Variants in LDB2 observed in about 807,000 individuals in gnomAD.
LDB2 encodes the protein LIM domain binding 2.
A neutral mutation model predicts 44.3 loss-of-function variants in LDB2; 12 were observed. The ratio of observed to expected loss-of-function variants is 0.27; its 90% CI spans 0.17 to 0.44. The LOEUF is 0.44. Ranked by LOEUF, LDB2 falls within the 20% of genes least tolerant of loss-of-function variation. The pLI, the probability that LDB2 is intolerant of heterozygous loss-of-function variation, is 1.00. For missense variants in LDB2, 344 were observed against 473.5 expected (o/e 0.73, Z 2.54); for synonymous variants, 164 against 174.8 (o/e 0.94, Z 0.49).
chr4:16,693,006 A>T (rs193126344), intron 2 of LDB2, among the ~76,000 whole-genome samples: 88 of 152,232 alleles, frequency 5.8e-4, no homozygotes, highest in South Asian at 1.5e-3. Flanking sequence ...AGAGCTAGCT[A>T]TTTTTAGAGT....
At chr4:16,874,895 T>C (rs1223482112) in intron 1 of LDB2, among the ~76,000 whole-genome samples, 1 of 152,170 alleles carries the variant, frequency 6.6e-6, no homozygotes. Flanking sequence ...TTGACAAAAA[T>C]TGGTCCAATT....
chr4:16,506,210 C>G (rs1719356654), intron 7 of LDB2: 1 of 450,988 alleles, frequency 2.2e-6, no homozygotes, highest in Non-Finnish European at 3.9e-6. Context: ...TCATCCAACG[C>G]TTATCATTTA....
At chr4:16,663,133 C>G (rs1433739103) in intron 2 of LDB2, among the ~76,000 whole-genome samples, 1 of 152,128 alleles carries the variant, frequency 6.6e-6, no homozygotes, top group Non-Finnish European at 1.5e-5. Flanking sequence ...GTTCTCACAG[C>G]TTTCCTAAAA....
chr4:16,799,811 C>T (rs373247533), intron 1 of LDB2, among the ~76,000 whole-genome samples: 4 of 152,110 alleles, frequency 2.6e-5, no homozygotes, highest in African/African-American at 7.2e-5. Flanking sequence ...CAGAAAAAAA[C>T]TTATAATACT....
At chr4:16,862,106 C>G (rs1314709346) in intron 1 of LDB2, among the ~76,000 whole-genome samples, 3 of 152,174 alleles carry the variant, frequency 2.0e-5, no homozygotes, top group Non-Finnish European at 2.9e-5. Context: ...GTTATTTTAT[C>G]TTCCTGTTCC....
At chr4:16,822,277 C>A (rs123043) in intron 1 of LDB2, among the ~76,000 whole-genome samples, 93,965 of 151,908 alleles carry the variant, frequency 0.62, 29,299 homozygotes, top group Middle Eastern at 0.71. Context: ...GGCTAATAGA[C>A]CATTGGTTAA....
intron 5 of LDB2, among the ~76,000 whole-genome samples, chr4:16,542,772 TTTTG>T (rs1472308227): frequency 5.3e-5 from 8 of 152,178 alleles, no homozygotes; most frequent in African/African-American, 1.7e-4. Flanking sequence ...TGTGCCTTCG[TTTTG>T]TTTTTGTTTT....
At chr4:16,565,436 C>A (rs1038050898) in intron 5 of LDB2, among the ~76,000 whole-genome samples, 36 of 151,206 alleles carry the variant, frequency 2.4e-4, no homozygotes, top group African/African-American at 8.6e-4. Context: ...AATTCGACAT[C>A]CATTTTTTTT....
chr4:16,558,581 T>G (rs1437700475), intron 5 of LDB2, among the ~76,000 whole-genome samples: 1 of 152,224 alleles, frequency 6.6e-6, no homozygotes, highest in Non-Finnish European at 1.5e-5. Flanking sequence ...AATCTACGTC[T>G]GATTGGTGTA....
intron 2 of LDB2, among the ~76,000 whole-genome samples, chr4:16,622,165 T>C (rs566655445): frequency 2.0e-5 from 3 of 152,298 alleles, no homozygotes; most frequent in African/African-American, 7.2e-5. Flanking sequence ...AGCTGTTTGA[T>C]AGGGAAAGCT....
At chr4:16,552,407 A>G (rs1737992871) in intron 5 of LDB2, among the ~76,000 whole-genome samples, 1 of 152,150 alleles carries the variant, frequency 6.6e-6, no homozygotes, top group Admixed American at 6.5e-5. Context: ...AAAAACTAAA[A>G]ATATCCAGGT....
chr4:16,786,110 A>T (rs932665120), intron 1 of LDB2, among the ~76,000 whole-genome samples: 1 of 152,188 alleles, frequency 6.6e-6, no homozygotes, highest in African/African-American at 2.4e-5. Context: ...TTAAACATAT[A>T]TATTTTAATT....
intron 5 of LDB2, among the ~76,000 whole-genome samples, chr4:16,524,822 G>T (rs1425212497): frequency 1.3e-5 from 2 of 152,096 alleles, no homozygotes; most frequent in African/African-American, 4.8e-5. Flanking sequence ...GCAAACAATG[G>T]CTGCTTGGAG....
intron 1 of LDB2, among the ~76,000 whole-genome samples, chr4:16,867,694 G>C (rs1266915419): frequency 6.6e-6 from 1 of 152,092 alleles, no homozygotes; most frequent in Non-Finnish European, 1.5e-5. Flanking sequence ...ATCGGCAAAA[G>C]ATGATAATAG....
At chr4:16,862,255 T>C (rs1000601760) in intron 1 of LDB2, among the ~76,000 whole-genome samples, 1 of 151,326 alleles carries the variant, frequency 6.6e-6, no homozygotes. Context: ...AATTTTTTTT[T>C]TTTATTTTTC....
rs1360590872 is a variant in LDB2, at chr4:16,501,988, C to G, written c.*655G>C. On this transcript the variant is annotated 3_prime_UTR_variant, in exon 8 of 8. Transcript: ENST00000304523. The stretch of plus-strand genomic sequence containing the variant: ...CTGGTGTCTTTGATGAAAAAAATGA[C>G]ATTTCTTGTTTCAGCACTTGGGCTA... 1 of 152,552 alleles carries G rather than the reference C, an allele frequency of 6.6e-6. No homozygotes were observed. Among genetic ancestry groups the G allele is most frequent in the East Asian group, 1.9e-4 (1 of 5,196 alleles). 9.4% of individuals were successfully genotyped at this position (152,552 alleles called of 1,614,324 possible).
chr4:16,655,220 G>C (rs1190584843), intron 2 of LDB2, among the ~76,000 whole-genome samples: 12 of 152,202 alleles, frequency 7.9e-5, no homozygotes, highest in African/African-American at 2.7e-4. Context: ...ATGGGGGACA[G>C]AGAGGCCAAG....
At chr4:16,647,598 G>T (rs961026462) in intron 2 of LDB2, among the ~76,000 whole-genome samples, 1 of 152,044 alleles carries the variant, frequency 6.6e-6, no homozygotes, top group African/African-American at 2.4e-5. Context: ...AACTGCATTC[G>T]ATCTGACCCT....
intron 5 of LDB2, chr4:16,512,325 CG>C (rs1722052151): frequency 2.2e-6 from 1 of 451,436 alleles, no homozygotes; most frequent in African/African-American, 2.0e-5. Context: ...GTGATTCACA[CG>C]GATACACACA....
Sources: allele counts gnomAD v4.1 joint callset (sites outside exome capture counted in the v4.1 genomes callset), GRCh38; gene constraint gnomAD v4.1.1; transcripts MANE v1.5; gene names NCBI Gene and HGNC (gene_info 2026-07-23, HGNC 2026-07-21).